CIRSR: variants seen among roughly 807,000 people sequenced by gnomAD.
The protein encoded by CIRSR is CBF1 (RBPJ) interacting corepressor 1.
At chr2:174,369,070 C>T in the CIRSR span, among the ~76,000 whole-genome samples, 24 of 152,212 alleles carry the variant, frequency 1.6e-4, no homozygotes, top group African/African-American at 5.8e-4. Flanking sequence ...CTATGAAAGT[C>T]GTAGATGGCA....
the CIRSR span, chr2:174,351,615 T>C: frequency 2.5e-6 from 4 of 1,608,298 alleles, no homozygotes; most frequent in Non-Finnish European, 1.7e-6. Context: ...AAAAAGATCA[T>C]TACCTGTGAT....
the CIRSR span, among the ~76,000 whole-genome samples, chr2:174,380,412 C>T: frequency 4.0e-5 from 6 of 151,474 alleles, no homozygotes; most frequent in African/African-American, 1.2e-4. Context: ...TTCCAAACAC[C>T]ATTTAGTTAT....
At chr2:174,377,792 T>G in the CIRSR span, among the ~76,000 whole-genome samples, 1 of 116,418 alleles carries the variant, frequency 8.6e-6, no homozygotes, top group Admixed American at 1.3e-4. Context: ...GCCACTGCAC[T>G]CCAGCCTGGG....
chr2:174,354,476 ATATAT>A, the CIRSR span, among the ~76,000 whole-genome samples: 1 of 87,890 alleles, frequency 1.1e-5, no homozygotes, highest in East Asian at 2.8e-4. Flanking sequence ...AATATATATA[ATATAT>A]ATTATATTAT....
the CIRSR span, among the ~76,000 whole-genome samples, chr2:174,349,929 G>T: frequency 4.6e-5 from 7 of 152,002 alleles, no homozygotes; most frequent in African/African-American, 1.7e-4. Context: ...AAATTCAAGA[G>T]AATATTCTCC....
At chr2:174,348,506 T>G in the CIRSR span, 1 of 1,603,430 alleles carries the variant, frequency 6.2e-7, no homozygotes, top group Non-Finnish European at 8.5e-7. Flanking sequence ...TTCATTCTCT[T>G]TGTGTCACTT....
the CIRSR span, chr2:174,351,478 A>G: frequency 1.8e-6 from 1 of 554,798 alleles, no homozygotes; most frequent in Non-Finnish European, 3.1e-6. Context: ...AAGCAAAATC[A>G]AAACACATTT....
the CIRSR span, chr2:174,348,625 G>A: frequency 1.2e-6 from 2 of 1,614,040 alleles, no homozygotes; most frequent in Non-Finnish European, 8.5e-7. Flanking sequence ...CCAGGATTTC[G>A]CTGTGCCCGT....
At chr2:174,384,310 A>T in the CIRSR span, among the ~76,000 whole-genome samples, 1 of 152,256 alleles carries the variant, frequency 6.6e-6, no homozygotes, top group Non-Finnish European at 1.5e-5. Flanking sequence ...TGAGGCATTT[A>T]GAATAGGCAA....
At chr2:174,359,670 G>A in the CIRSR span, among the ~76,000 whole-genome samples, 9,178 of 152,142 alleles carry the variant, frequency 0.06, 873 homozygotes, top group African/African-American at 0.21. Context: ...CAAGGATGTA[G>A]AACTAGAAAT....
At chr2:174,361,764 C>T in the CIRSR span, among the ~76,000 whole-genome samples, 1 of 152,132 alleles carries the variant, frequency 6.6e-6, no homozygotes. Context: ...ATAGTGTAAA[C>T]AAGATTGGAT....
At chr2:174,374,111 A>T in the CIRSR span, among the ~76,000 whole-genome samples, 1 of 152,246 alleles carries the variant, frequency 6.6e-6, no homozygotes. Flanking sequence ...CACTGGCTAC[A>T]GCATCAGTGG....
chr2:174,394,981 C>A, the CIRSR span, among the ~76,000 whole-genome samples: 2 of 152,132 alleles, frequency 1.3e-5, no homozygotes, highest in Non-Finnish European at 2.9e-5. Context: ...AGTGACTGCT[C>A]GAATAACTAG....
chr2:174,368,610 G>A, the CIRSR span, among the ~76,000 whole-genome samples: 2 of 152,196 alleles, frequency 1.3e-5, no homozygotes, highest in African/African-American at 2.4e-5. Context: ...CTTGAGCCCA[G>A]GAGTTTGAAG....
the CIRSR span, among the ~76,000 whole-genome samples, chr2:174,365,631 G>A: frequency 6.6e-6 from 1 of 152,202 alleles, no homozygotes; most frequent in African/African-American, 2.4e-5. Flanking sequence ...CATCTTTCAT[G>A]GATGGCAGCA....
the CIRSR span, among the ~76,000 whole-genome samples, chr2:174,377,396 T>C: frequency 2.0e-5 from 3 of 152,180 alleles, no homozygotes; most frequent in Admixed American, 6.5e-5. Context: ...CTTTTAAGGG[T>C]ACCTGTACTG....
At chr2:174,373,764 T>TAAA in the CIRSR span, among the ~76,000 whole-genome samples, 1 of 130,276 alleles carries the variant, frequency 7.7e-6, no homozygotes, top group African/African-American at 2.8e-5. Context: ...TCCCTCACCT[T>TAAA]AAAAAAAAAA....
chr2:174,354,696 CAT>C, the CIRSR span, among the ~76,000 whole-genome samples: 1 of 80,378 alleles, frequency 1.2e-5, no homozygotes, highest in African/African-American at 5.7e-5. Context: ...TTATATAATA[CAT>C]ATATTATATA....
the CIRSR span, among the ~76,000 whole-genome samples, chr2:174,382,506 C>T: frequency 6.6e-6 from 1 of 151,918 alleles, no homozygotes; most frequent in African/African-American, 2.4e-5. Context: ...AGGCGTAGTG[C>T]TGCGTGCCTG....
Sources: gnomAD v4.1 joint callset for allele counts (sites outside exome capture counted in the v4.1 genomes callset) on GRCh38, gnomAD v4.1.1 for gene constraint, MANE v1.5 for transcripts, NCBI Gene and HGNC (gene_info 2026-07-23, HGNC 2026-07-21) for gene names.